Variants in RCOR3 observed in about 807,000 individuals in gnomAD.
The protein encoded by RCOR3 is REST corepressor 3.
Under a neutral mutation model 64.1 loss-of-function variants are expected in RCOR3, and 13 were observed. The observed-to-expected ratio is 0.20, with a 90% CI of 0.13 to 0.32. The LOEUF (loss-of-function observed/expected upper bound fraction) is 0.32. RCOR3 is among the 10% of genes least tolerant of loss of function. The pLI is 1.00. For synonymous variants in RCOR3, 215 were observed against 239.0 expected, an observed-to-expected ratio of 0.90 and a Z score of 0.93; for missense variants, 489 against 701.2, an observed-to-expected ratio of 0.70 and a Z score of 3.42.
chr1:211,277,645 G>C (rs917569563), intron 5 of RCOR3, among the ~76,000 whole-genome samples: 5 of 152,146 alleles, frequency 3.3e-5, no homozygotes, highest in Non-Finnish European at 7.4e-5. Flanking sequence ...TAGATTAGTG[G>C]TTGCCAGGGA....
chr1:211,285,031 GTTC>G (rs1698338058), intron 7 of RCOR3, among the ~76,000 whole-genome samples: 1 of 152,098 alleles, frequency 6.6e-6, no homozygotes, highest in Non-Finnish European at 1.5e-5. Context: ...CTATTTGGTG[GTTC>G]TTCTTAAGGA....
intron 10 of RCOR3, among the ~76,000 whole-genome samples, chr1:211,308,923 G>T (rs1701208979): frequency 6.6e-6 from 1 of 151,260 alleles, no homozygotes; most frequent in Admixed American, 6.6e-5. Flanking sequence ...TTTTGGCCAG[G>T]CTGGTCTCGA....
intron 10 of RCOR3, among the ~76,000 whole-genome samples, chr1:211,306,207 G>T (rs1394135933): frequency 6.6e-6 from 1 of 152,012 alleles, no homozygotes; most frequent in Non-Finnish European, 1.5e-5. Flanking sequence ...TTATATAGTG[G>T]TCAGAAGTGT....
intron 9 of RCOR3, chr1:211,301,951 T>G (rs905845159): frequency 6.6e-6 from 1 of 152,224 alleles, no homozygotes. Flanking sequence ...GATGCCTTTT[T>G]AGATATAGTC....
intron 3 of RCOR3, among the ~76,000 whole-genome samples, chr1:211,272,639 T>TTTTTTTTTG (rs55992235): frequency 1.5e-5 from 2 of 134,682 alleles, no homozygotes; most frequent in Non-Finnish European, 3.1e-5. Context: ...TTTTTTTTTT[T>TTTTTTTTTG]GAGACGGAGT....
chr1:211,273,327 G>A (rs1053517931), intron 3 of RCOR3, among the ~76,000 whole-genome samples: 2 of 152,102 alleles, frequency 1.3e-5, no homozygotes, highest in Non-Finnish European at 2.9e-5. Flanking sequence ...GTACAGAAAG[G>A]TCAAAAGTTA....
chr1:211,301,684 C>A (rs1338341460), intron 9 of RCOR3: 1 of 152,126 alleles, frequency 6.6e-6, no homozygotes, highest in Non-Finnish European at 1.5e-5. Context: ...TGTTCTGTTT[C>A]CCCACTTAAA....
intron 10 of RCOR3, among the ~76,000 whole-genome samples, chr1:211,308,661 GTTTTTTTTT>G (rs780896956): frequency 3.6e-4 from 10 of 27,486 alleles, no homozygotes; most frequent in Non-Finnish European, 8.0e-4. Context: ...TTTTGGATGT[GTTTTTTTTT>G]TTGTTTTTTT....
chr1:211,293,027 T>C (rs959211138), intron 8 of RCOR3, among the ~76,000 whole-genome samples: 8 of 151,772 alleles, frequency 5.3e-5, no homozygotes, highest in African/African-American at 1.9e-4. Context: ...GAGGTTGCAG[T>C]GAGCCGAGAT....
At chr1:211,311,611 A>G (rs1034979581) in intron 10 of RCOR3, among the ~76,000 whole-genome samples, 1 of 152,200 alleles carries the variant, frequency 6.6e-6, no homozygotes, top group African/African-American at 2.4e-5. Flanking sequence ...ATATCCATAT[A>G]TTATTCTCTC....
intron 10 of RCOR3, 51 bp downstream of exon 10, chr1:211,304,191 T>C: frequency 7.4e-7 from 1 of 1,355,800 alleles, no homozygotes; most frequent in East Asian, 2.5e-5. Context: ...TAATTTGTCA[T>C]GAAAGGTGAC....
At chr1:211,294,119 T>A (rs962663616) in intron 8 of RCOR3, among the ~76,000 whole-genome samples, 10 of 152,164 alleles carry the variant, frequency 6.6e-5, no homozygotes, top group African/African-American at 2.4e-4. Context: ...TCTGGAAAAA[T>A]TTGAGCATAA....
chr1:211,263,068 T>C (rs1403014289), intron 2 of RCOR3, among the ~76,000 whole-genome samples: 27 of 129,730 alleles, frequency 2.1e-4, no homozygotes, highest in Non-Finnish European at 3.6e-4. Flanking sequence ...TTCCCCTTCC[T>C]GTGTCCGTGT....
rs1693777569 is a variant in RCOR3 at position 211,259,466 on chromosome 1, C to CTCT, written c.-93_-92insTTC. 9 of 1,310,494 alleles carry CTCT rather than the reference C, an allele frequency of 6.9e-6. No individual in the cohort carries two copies. In the South Asian group the frequency reaches 1.3e-4, roughly 18 times the overall value. The allele number at this position is 1,310,494 out of a possible 1,614,324, so 81.2% of individuals were successfully genotyped here. On this transcript the variant is annotated 5_prime_UTR_variant, in exon 1 of 12. Transcript: ENST00000419091. ...CCGCCGCCGCCGCCGTCTCCTCCTCCTCCTCCTTTCCCTCCCGCCCGCGCT... is the reference window on the plus strand; with the variant it reads ...CCGCCGCCGCCGCCGTCTCCTCCTCCTCTTCCTCCTTTCCCTCCCGCCCGCGCT...
rs1418052130 is a variant in RCOR3, at chr1:211,274,206, G to C, written c.302-4G>C. On this transcript the variant is annotated splice_polypyrimidine_tract_variant and splice_region_variant and intron_variant, in intron 3 of 11. Coordinates refer to ENST00000419091, the MANE Select transcript of RCOR3 (RefSeq NM_001136223.3). ...ATTAATTATATAACATTATTTCATT[G>C]CAGTGGATGAATACATTGCAATTGC... 5 of 1,581,768 alleles carry C rather than the reference G, an allele frequency of 3.2e-6. No homozygotes were observed. Among genetic ancestry groups the C allele is most frequent in the Non-Finnish European group, 3.5e-6 (4 of 1,153,364 alleles).
intron 6 of RCOR3, among the ~76,000 whole-genome samples, chr1:211,278,851 G>GAT (rs1292173344): frequency 1.3e-5 from 2 of 151,904 alleles, no homozygotes; most frequent in Non-Finnish European, 2.9e-5. Context: ...AAATTATTTA[G>GAT]ATATATATAT....
chr1:211,271,487 CT>C (rs1317386608), intron 3 of RCOR3, 178 bp downstream of exon 3: 2 of 649,330 alleles, frequency 3.1e-6, no homozygotes, highest in East Asian at 6.0e-5. Context: ...AATGTTTTTC[CT>C]TTTGGAAGAT....
At chr1:211,276,896 C>T (rs1043810083) in intron 5 of RCOR3, among the ~76,000 whole-genome samples, 2 of 151,912 alleles carry the variant, frequency 1.3e-5, no homozygotes, top group African/African-American at 4.8e-5. Flanking sequence ...ACCATCCTGG[C>T]TAACACAGTG....
At chr1:211,307,603 A>G (rs1327859870) in intron 10 of RCOR3, among the ~76,000 whole-genome samples, 1 of 152,164 alleles carries the variant, frequency 6.6e-6, no homozygotes, top group African/African-American at 2.4e-5. Context: ...TTTTCAAAAA[A>G]CAAGACATTT....
Sources: allele counts gnomAD v4.1 joint callset (sites outside exome capture counted in the v4.1 genomes callset), GRCh38; gene constraint gnomAD v4.1.1; transcripts MANE v1.5; gene names NCBI Gene and HGNC (gene_info 2026-07-23, HGNC 2026-07-21).